DSC2: variants seen among roughly 807,000 people sequenced by gnomAD.
DSC2 encodes the protein desmocollin 2.
DSC2 carries 51 observed loss-of-function variants against 87.6 expected under a neutral mutation model. The ratio of observed to expected loss-of-function variants is 0.58; its 90% CI spans 0.46 to 0.74. DSC2 has a LOEUF of 0.74. DSC2 is among the 30% of genes least tolerant of loss of function. The pLI is 0.00. For synonymous variants in DSC2, 383 were observed against 393.2 expected (o/e 0.97, Z 0.31); for missense variants, 1,066 against 1,089.5 (o/e 0.98, Z 0.30).
Position 31,092,760 on chromosome 18 carries a change from G to C in DSC2, c.155-460C>G, listed in dbSNP as rs921092502. Among the ~76,000 whole-genome samples the C allele has an allele frequency of 3.4e-4, 52 of 151,944 alleles. 1 individual carries two copies. The highest frequency in any genetic ancestry group is 1.2e-3 in the African/African-American group (51 of 41,456). On this transcript the variant is annotated intron_variant, in intron 2 of 15. Coordinates refer to ENST00000280904, the MANE Select transcript of DSC2 (RefSeq NM_024422.6). ...ATCATTGGATTGATCTTTTCTTACA[G>C]AATTATGTGAAATAATTTAATTGAT...
At chr18:31,073,369 ACACG>A (rs1267512185) in intron 12 of DSC2, among the ~76,000 whole-genome samples, 6 of 55,238 alleles carry the variant, frequency 1.1e-4, no homozygotes, top group Admixed American at 2.1e-4. Context: ...CGATACACAC[ACACG>A]CACACACACA....
At chr18:31,068,446 G>C (rs532133134) in intron 15 of DSC2, 1 of 1,232,748 alleles carries the variant, frequency 8.1e-7, no homozygotes, top group East Asian at 2.3e-5. Context: ...CAAGTATACA[G>C]GTGTTCATTT....
At chr18:31,069,251 G>A in intron 14 of DSC2, 100 bp from the exon 15 acceptor site, 1 of 1,443,618 alleles carries the variant, frequency 6.9e-7, no homozygotes, top group Non-Finnish European at 9.5e-7. Context: ...TTGTGTGTAT[G>A]CTAGAAGGTA....
chr18:31,089,359 AG>A, intron 5 of DSC2, 79 bp downstream of exon 5: 3 of 1,540,914 alleles, frequency 1.9e-6, no homozygotes, highest in Non-Finnish European at 2.7e-6. Context: ...AAAGCAGAAA[AG>A]GTTACGTGAA....
intron 11 of DSC2, among the ~76,000 whole-genome samples, chr18:31,077,758 T>G (rs1987071194): frequency 6.6e-6 from 1 of 152,184 alleles, no homozygotes; most frequent in Admixed American, 6.5e-5. Flanking sequence ...CTATCCATGG[T>G]TTCATGCTTT....
intron 4 of DSC2, 142 bp downstream of exon 4, chr18:31,090,886 C>A (rs1987570267): frequency 8.1e-7 from 1 of 1,234,616 alleles, no homozygotes. Flanking sequence ...TATATTTATA[C>A]CCTTATATGG....
chr18:31,081,661 G>A (rs534381225), intron 9 of DSC2, among the ~76,000 whole-genome samples: 17 of 152,254 alleles, frequency 1.1e-4, no homozygotes, highest in African/African-American at 3.9e-4. Context: ...GCAGAAATAA[G>A]TCTATAAATT....
At chr18:31,101,205 C>T in intron 1 of DSC2, 1 of 985,328 alleles carries the variant, frequency 1.0e-6, no homozygotes, top group Non-Finnish European at 1.2e-6. Flanking sequence ...ACCACTGAAA[C>T]TGTACAAATG....
intron 7 of DSC2, among the ~76,000 whole-genome samples, chr18:31,083,327 G>A (rs75464265): frequency 3.3e-5 from 5 of 152,100 alleles, no homozygotes; most frequent in Admixed American, 6.5e-5. Flanking sequence ...TCTGCCTCCC[G>A]GGTTCAAGCG....
At chr18:31,069,441 G>T (rs1016746052) in intron 14 of DSC2, among the ~76,000 whole-genome samples, 1 of 152,050 alleles carries the variant, frequency 6.6e-6, no homozygotes, top group Non-Finnish European at 1.5e-5. Context: ...CCTGCCCATT[G>T]TGGTGGCTCA....
intron 1 of DSC2, among the ~76,000 whole-genome samples, chr18:31,095,740 AT>A (rs1034005061): frequency 1.3e-5 from 2 of 152,152 alleles, no homozygotes; most frequent in African/African-American, 2.4e-5. Flanking sequence ...GGTAAGACAT[AT>A]TTGTAATTTC....
At position 31,066,506 on chromosome 18, in the gene DSC2, C is replaced by A. The variant is rs1309120934; in HGVS notation, c.*1509G>T. 6.6e-6 allele frequency: 1 copy of A among 152,012 alleles called. No individual in the cohort carries two copies. Among genetic ancestry groups the A allele is most frequent in the Non-Finnish European group, 1.5e-5 (1 of 67,970 alleles). The allele number at this position is 152,012 out of a possible 1,614,324, so 9.4% of individuals were successfully genotyped here. A position where few individuals can be genotyped will look rare whatever the true frequency, so the allele number is the denominator to read the frequency against. On this transcript the variant is annotated 3_prime_UTR_variant, in exon 16 of 16. Transcript: ENST00000280904. ...AAGATAAGCTGGTTATCAAATAATT[C>A]CCTAGTGTTAATCTGGCAAATAATT...
chr18:31,070,927 C>T (rs1567972707), intron 13 of DSC2, 77 bp from the exon 14 acceptor site: 3 of 1,505,918 alleles, frequency 2.0e-6, no homozygotes, highest in South Asian at 1.2e-5. Flanking sequence ...TTAATACACA[C>T]ATAAATCATA....
intron 12 of DSC2, among the ~76,000 whole-genome samples, chr18:31,074,127 C>A (rs1986924070): frequency 6.6e-6 from 1 of 152,166 alleles, no homozygotes; most frequent in Non-Finnish European, 1.5e-5. Flanking sequence ...TCAGACTCCC[C>A]CTGGGGTTCA....
chr18:31,067,862 C>T lies in DSC2; in HGVS notation c.*153G>A. The T allele has an allele frequency of 1.4e-6, 1 of 702,614 alleles. No individual in the cohort carries two copies. The highest frequency in any genetic ancestry group is 2.4e-6 in the Non-Finnish European group (1 of 420,980). 43.5% of individuals were successfully genotyped at this position (702,614 alleles called of 1,614,324 possible). ...ATTTGTGTACTTGTTTATAGTGTCT[C>T]TCTGTAAATGTGCATTTGACCAAAG... On this transcript the variant is annotated 3_prime_UTR_variant, in exon 16 of 16. Transcript: ENST00000280904.
chr18:31,073,944 C>A (rs1319902157), intron 12 of DSC2, among the ~76,000 whole-genome samples: 1 of 152,230 alleles, frequency 6.6e-6, no homozygotes, highest in Non-Finnish European at 1.5e-5. Flanking sequence ...GTGGTGGACA[C>A]TGTGGTGTAT....
At position 31,086,649 on chromosome 18, in the gene DSC2, G is replaced by T. The variant is rs753579789; in HGVS notation, c.869C>A (p.Pro290Gln). 1 of 1,614,152 alleles carries T rather than the reference G, an allele frequency of 6.2e-7. No individual in the cohort carries two copies. The highest frequency in any genetic ancestry group is 1.1e-5 in the South Asian group (1 of 91,082). The change falls in exon 7 of 16, where the codon CCA (proline) becomes CAA (glutamine). Residue 290 changes from proline (P) to glutamine (Q), a missense_variant. Transcript: ENST00000280904. The stretch of plus-strand genomic sequence containing the variant: ...ATGCATAGAAAATAGGGTGGGTGAT[G>T]GTGGCACCTGCCCAATGATGGAGTA... ...LKYSIIGQVP[P>Q]SPTLFSMHPT... is the part of the protein sequence containing the mutation.
In DSC2 at chr18:31,066,477, TGATAA is replaced by T. The variant is rs1444820252; in HGVS notation, c.*1533_*1537del. ...TTTGCCTGATCAGCAATAAAACTACTGATAAGATAAGCTGGTTATCAAATAATTCC... is the reference window on the plus strand; with the variant it reads ...TTTGCCTGATCAGCAATAAAACTACTGATAAGCTGGTTATCAAATAATTCC... On this transcript the variant is annotated 3_prime_UTR_variant, in exon 16 of 16. Coordinates refer to ENST00000280904, the MANE Select transcript of DSC2 (RefSeq NM_024422.6). 1 of 152,166 alleles carries T rather than the reference TGATAA, an allele frequency of 6.6e-6. No homozygotes were observed. The highest frequency in any genetic ancestry group is 2.4e-5 in the African/African-American group (1 of 41,442). The allele number at this position is 152,166 out of a possible 1,614,324, so 9.4% of individuals were successfully genotyped here. A position where few individuals can be genotyped will look rare whatever the true frequency, so the allele number is the denominator to read the frequency against.
chr18:31,081,574 T>C (rs1438585180), intron 9 of DSC2, among the ~76,000 whole-genome samples: 4 of 152,192 alleles, frequency 2.6e-5, no homozygotes, highest in Non-Finnish European at 4.4e-5. Context: ...CATTTTTTAA[T>C]CCATGGTCCT....
Sources: allele counts gnomAD v4.1 joint callset (sites outside exome capture counted in the v4.1 genomes callset), GRCh38; gene constraint gnomAD v4.1.1; transcripts MANE v1.5; gene names NCBI Gene and HGNC (gene_info 2026-07-23, HGNC 2026-07-21).